The following CSMD1 variants were observed in gnomAD, a reference collection of about 807,000 sequenced individuals.
CSMD1 encodes CUB and sushi domain-containing protein 1.
CSMD1 carries 213 observed loss-of-function variants against 417.5 expected under a neutral mutation model. The ratio of observed to expected loss-of-function variants is 0.51; its 90% CI spans 0.46 to 0.57. The LOEUF is 0.57. CSMD1 is among the 20% of genes least tolerant of loss of function. The probability of loss-of-function intolerance (pLI) is 0.00; values close to 1 mark genes in which losing one functional copy is unlikely to be tolerated. For synonymous variants in CSMD1, 2,862 were observed against 1,736.8 expected (o/e 1.65, Z -16.11); for missense variants, 6,923 against 4,529.7 (o/e 1.53, Z -15.17).
intron 50 of CSMD1, chr8:3,043,736 T>C (rs1811259138): frequency 6.6e-6 from 1 of 152,294 alleles, no homozygotes; most frequent in South Asian, 2.1e-4. Context: ...TATTTTCAAG[T>C]GCTCTTCATC....
intron 3 of CSMD1, among the ~76,000 whole-genome samples, chr8:4,308,867 A>C (rs1355801450): frequency 6.6e-6 from 1 of 152,182 alleles, no homozygotes; most frequent in Non-Finnish European, 1.5e-5. Context: ...TGTAATGATT[A>C]TATTATAGCT....
chr8:3,765,395 C>A (rs1427723713), intron 5 of CSMD1, among the ~76,000 whole-genome samples: 1 of 152,144 alleles, frequency 6.6e-6, no homozygotes, highest in Non-Finnish European at 1.5e-5. Flanking sequence ...CCACTCCTAC[C>A]TTTACAGCAT....
At chr8:3,873,609 C>T (rs920076071) in intron 5 of CSMD1, among the ~76,000 whole-genome samples, 2 of 152,040 alleles carry the variant, frequency 1.3e-5, no homozygotes, top group African/African-American at 4.8e-5. Flanking sequence ...GGGTACTCGG[C>T]ATAATACCTG....
intron 2 of CSMD1, among the ~76,000 whole-genome samples, chr8:4,577,321 A>T (rs955647560): frequency 1.3e-5 from 2 of 152,198 alleles, no homozygotes; most frequent in Non-Finnish European, 2.9e-5. Flanking sequence ...TATTTCAATA[A>T]TGATGCCCCA....
chr8:3,514,496 C>G (rs1168974959), intron 10 of CSMD1, among the ~76,000 whole-genome samples: 2 of 152,120 alleles, frequency 1.3e-5, no homozygotes, highest in Non-Finnish European at 2.9e-5. Context: ...TTGGAATTGA[C>G]TAAAAATGGC....
At chr8:3,376,099 T>C (rs1017099511) in intron 18 of CSMD1, among the ~76,000 whole-genome samples, 1 of 152,202 alleles carries the variant, frequency 6.6e-6, no homozygotes, top group African/African-American at 2.4e-5. Flanking sequence ...TGCTGATAGA[T>C]TTTAAACTTC....
In CSMD1 at chr8:4,184,424, C is replaced by A. The variant is rs186141042; in HGVS notation, c.416-152325G>T. On this transcript the variant is annotated intron_variant, in intron 3 of 69. Transcript: ENST00000635120. ...CTGGAGCATATGAGGATGTTCCTTG[C>A]GGCACTATTCACAATATCAAAGGCA... 5.4e-4 allele frequency among the ~76,000 whole-genome samples: 82 copies of A among 152,174 alleles called. 1 individual carries two copies. The East Asian group carries it at 7.5e-3, about 14-fold the overall frequency.
At chr8:4,043,325 A>G (rs1797987785) in intron 3 of CSMD1, among the ~76,000 whole-genome samples, 1 of 152,172 alleles carries the variant, frequency 6.6e-6, no homozygotes, top group South Asian at 2.1e-4. Context: ...GAAGAGGAAA[A>G]AAGAAAATGA....
At chr8:4,327,117 G>A (rs1245016777) in intron 3 of CSMD1, among the ~76,000 whole-genome samples, 1 of 152,138 alleles carries the variant, frequency 6.6e-6, no homozygotes, top group Non-Finnish European at 1.5e-5. Context: ...GAATCCAGCT[G>A]TAATATCTGT....
At chr8:4,442,604 GAA>G (rs1387201237) in intron 2 of CSMD1, among the ~76,000 whole-genome samples, 1 of 152,172 alleles carries the variant, frequency 6.6e-6, no homozygotes, top group Non-Finnish European at 1.5e-5. Context: ...AAATTGGCTA[GAA>G]AAACAGAAGC....
rs1429041830 is a variant in CSMD1 at position 4,069,249 on chromosome 8, G to C, written c.416-37150C>G. 3.3e-5 allele frequency among the ~76,000 whole-genome samples: 5 copies of C among 152,066 alleles called. No homozygotes were observed. In the East Asian group the frequency reaches 9.7e-4, roughly 29 times the overall value. On this transcript the variant is annotated intron_variant, in intron 3 of 69. Transcript: ENST00000635120. ...TACAGATGAGAAAATCAAAAATTTT[G>C]GTAAAGATTACTGTGAATTCTTTGT...
At position 3,437,416 on chromosome 8, in the gene CSMD1, A is replaced by C. The variant is rs538475780; in HGVS notation, c.1562-27811T>G. ...ATTCATACAGTTCTGACTTATCCTA[A>C]AGGCTGAATTAAATGGGCTGTGTAA... is the stretch of plus-strand genomic sequence containing the variant. On this transcript the variant is annotated intron_variant, in intron 12 of 69. Transcript: ENST00000635120. Among the ~76,000 whole-genome samples, 8 of 152,238 alleles carry C rather than the reference A, an allele frequency of 5.3e-5. No homozygotes were observed. The East Asian group carries it at 1.2e-3, about 22-fold the overall frequency.
At chr8:3,366,423 TAAAC>T (rs2117752999) in intron 20 of CSMD1, among the ~76,000 whole-genome samples, 1 of 152,342 alleles carries the variant, frequency 6.6e-6, no homozygotes, top group South Asian at 2.1e-4. Context: ...CTATACAAAT[TAAAC>T]AATCTAACCC....
At chr8:3,351,927 C>T (rs2730045) in intron 21 of CSMD1, among the ~76,000 whole-genome samples, 149,339 of 152,190 alleles carry the variant, frequency 0.98, 73,340 homozygotes, top group Middle Eastern at 1. Flanking sequence ...TCTCTGTTTT[C>T]AGCCGTTATT....
chr8:4,928,329 C>T (rs1017534573), intron 1 of CSMD1, among the ~76,000 whole-genome samples: 5 of 152,188 alleles, frequency 3.3e-5, no homozygotes, highest in African/African-American at 1.2e-4. Context: ...GGAATTTTTG[C>T]CACCATCCGG....
chr8:4,892,940 G>A (rs955992090), intron 1 of CSMD1, among the ~76,000 whole-genome samples: 12 of 152,044 alleles, frequency 7.9e-5, no homozygotes, highest in African/African-American at 2.7e-4. Flanking sequence ...TATGCCACAT[G>A]GTGCATTAAT....
chr8:4,979,873 T>TAAAAATACA (rs150805139), intron 1 of CSMD1, among the ~76,000 whole-genome samples: 3,587 of 151,930 alleles, frequency 0.024, 143 homozygotes, highest in African/African-American at 0.078. Context: ...CCATCTCTAC[T>TAAAAATACA]AAAAATACAA....
intron 12 of CSMD1, among the ~76,000 whole-genome samples, chr8:3,445,511 G>C (rs528782169): frequency 6.6e-6 from 1 of 152,208 alleles, no homozygotes; most frequent in East Asian, 1.9e-4. Flanking sequence ...TAGCTGCAAT[G>C]TGCACAACTC....
At chr8:3,786,016 G>C (rs1584995504) in intron 5 of CSMD1, among the ~76,000 whole-genome samples, 3 of 152,144 alleles carry the variant, frequency 2.0e-5, no homozygotes. Context: ...GTGGGCATTG[G>C]GGTGAAGAAA....
Sources: allele counts gnomAD v4.1 joint callset (sites outside exome capture counted in the v4.1 genomes callset), GRCh38; gene constraint gnomAD v4.1.1; transcripts MANE v1.5; gene names NCBI Gene and HGNC (gene_info 2026-07-23, HGNC 2026-07-21).